Variants in FBXL4 observed in about 807,000 individuals in gnomAD.
FBXL4 encodes F-box/LRR-repeat protein 4.
FBXL4 carries 40 observed loss-of-function variants against 58.9 expected under a neutral mutation model. The observed-to-expected ratio is 0.68, with a 90% CI of 0.53 to 0.88. The LOEUF (loss-of-function observed/expected upper bound fraction) is 0.88. Among genes scored for constraint, FBXL4 ranks in the 40% least tolerant of loss-of-function variants. The pLI, the probability that FBXL4 is intolerant of heterozygous loss-of-function variation, is 0.00. For synonymous variants in FBXL4, 263 were observed against 265.5 expected (o/e 0.99, Z 0.09); for missense variants, 676 against 734.4 (o/e 0.92, Z 0.92).
At chr6:98,923,348 G>A (rs1430539391) in intron 4 of FBXL4, among the ~76,000 whole-genome samples, 2 of 151,768 alleles carry the variant, frequency 1.3e-5, no homozygotes, top group South Asian at 4.1e-4. Flanking sequence ...TATTCTTCTG[G>A]GAAGCTGGAT....
chr6:98,932,949 A>G (rs1773069419), intron 2 of FBXL4, among the ~76,000 whole-genome samples: 1 of 151,980 alleles, frequency 6.6e-6, no homozygotes, highest in South Asian at 2.1e-4. Flanking sequence ...GCTTTGCTAC[A>G]TAGTACCAAA....
chr6:98,941,734 G>C (rs1773439783), intron 1 of FBXL4, among the ~76,000 whole-genome samples: 2 of 152,130 alleles, frequency 1.3e-5, no homozygotes, highest in African/African-American at 4.8e-5. Context: ...CCAGGACCAA[G>C]ATGGTCAACA....
At chr6:98,880,511 G>C (rs1337922788) in intron 8 of FBXL4, 42 bp downstream of exon 8, 1 of 1,530,374 alleles carries the variant, frequency 6.5e-7, no homozygotes, top group Non-Finnish European at 9.1e-7. Context: ...AAGAAAAAGA[G>C]AACAAGTAAT....
chr6:98,910,750 C>T (rs529071052), intron 5 of FBXL4, among the ~76,000 whole-genome samples: 6 of 152,202 alleles, frequency 3.9e-5, no homozygotes, highest in Admixed American at 3.3e-4. Context: ...GCGTGAGCAA[C>T]GCATTAGACG....
chr6:98,924,752 T>C (rs1336887414), intron 4 of FBXL4, among the ~76,000 whole-genome samples: 1 of 152,182 alleles, frequency 6.6e-6, no homozygotes, highest in Admixed American at 6.5e-5. Context: ...CTCTGTATGT[T>C]TTCTGGCAGG....
chr6:98,905,938 G>A (rs1183507847), intron 5 of FBXL4, among the ~76,000 whole-genome samples: 1 of 152,064 alleles, frequency 6.6e-6, no homozygotes, highest in Non-Finnish European at 1.5e-5. Flanking sequence ...GTAATCTATT[G>A]ACTAATACAA....
intron 7 of FBXL4, 29 bp downstream of exon 7, chr6:98,899,239 C>G: frequency 1.2e-6 from 2 of 1,608,360 alleles, no homozygotes; most frequent in Non-Finnish European, 1.7e-6. Context: ...ACCATAATAG[C>G]AATGATGAAA....
At chr6:98,899,222 G>C in intron 7 of FBXL4, 46 bp downstream of exon 7, 1 of 1,595,204 alleles carries the variant, frequency 6.3e-7, no homozygotes, top group Non-Finnish European at 8.5e-7. Context: ...CAAATCTTCA[G>C]TTGGCTACCA....
chr6:98,907,842 G>T (rs892529065), intron 5 of FBXL4, among the ~76,000 whole-genome samples: 4 of 152,014 alleles, frequency 2.6e-5, no homozygotes, highest in African/African-American at 9.7e-5. Flanking sequence ...ACAACAACAT[G>T]ATCTTTAAAA....
intron 2 of FBXL4, among the ~76,000 whole-genome samples, chr6:98,930,601 C>T (rs1007239664): frequency 6.6e-6 from 1 of 151,996 alleles, no homozygotes; most frequent in Non-Finnish European, 1.5e-5. Flanking sequence ...TTTCACCTAC[C>T]ACAAGTATAA....
At chr6:98,936,899 C>G (rs1306624900) in intron 1 of FBXL4, among the ~76,000 whole-genome samples, 1 of 152,126 alleles carries the variant, frequency 6.6e-6, no homozygotes, top group Non-Finnish European at 1.5e-5. Context: ...CAGATTTACC[C>G]ATGATGCTAT....
intron 7 of FBXL4, among the ~76,000 whole-genome samples, chr6:98,892,593 A>C (rs12527281): frequency 2.6e-5 from 4 of 152,236 alleles, no homozygotes; most frequent in Non-Finnish European, 4.4e-5. Context: ...ACACTCTTTC[A>C]AAAGACAGTT....
At chr6:98,931,063 T>C (rs1209308226) in intron 2 of FBXL4, among the ~76,000 whole-genome samples, 1 of 152,244 alleles carries the variant, frequency 6.6e-6, no homozygotes, top group Non-Finnish European at 1.5e-5. Flanking sequence ...GAAAACCATC[T>C]GCCACAGTGG....
intron 5 of FBXL4, among the ~76,000 whole-genome samples, chr6:98,908,728 T>C (rs1324458694): frequency 1.4e-5 from 2 of 145,978 alleles, no homozygotes; most frequent in Non-Finnish European, 3.0e-5. Context: ...TTTGTGTTTC[T>C]TTTTTTTTTT....
At chr6:98,940,097 T>G (rs988816031) in intron 1 of FBXL4, among the ~76,000 whole-genome samples, 5 of 152,202 alleles carry the variant, frequency 3.3e-5, no homozygotes, top group Admixed American at 2.6e-4. Flanking sequence ...TTTGAAAAAG[T>G]TTAATTTTTT....
At chr6:98,877,940 C>T (rs567784769) in intron 8 of FBXL4, among the ~76,000 whole-genome samples, 18 of 152,288 alleles carry the variant, frequency 1.2e-4, no homozygotes, top group African/African-American at 3.8e-4. Flanking sequence ...AACATGTTTA[C>T]GGCATTGACT....
chr6:98,891,177 G>A (rs72627754), intron 7 of FBXL4, among the ~76,000 whole-genome samples: 3,173 of 152,222 alleles, frequency 0.021, 175 homozygotes, highest in East Asian at 0.19. Context: ...CAACATTGTG[G>A]TGGAGAGTTA....
rs34949664 is a variant in FBXL4 at position 98,869,638 on chromosome 6, AAC to A, written c.*4638_*4639del. On this transcript the variant is annotated 3_prime_UTR_variant, in exon 10 of 10. Coordinates refer to ENST00000369244, the MANE Select transcript of FBXL4 (RefSeq NM_001278716.2). ...GAGTGAGACCCTGTCTCAAATATGT[AAC>A]ACACACATACATACATAAATATATA... 24,175 of 152,112 alleles carry A rather than the reference AAC, an allele frequency of 0.16. 2,299 individuals are homozygous for A. The highest frequency in any genetic ancestry group is 0.47 in the East Asian group (2,414 of 5,140). 9.4% of individuals were successfully genotyped at this position (152,112 alleles called of 1,614,324 possible). A position where few individuals can be genotyped will look rare whatever the true frequency, so the allele number is the denominator to read the frequency against.
At chr6:98,932,542 C>A (rs938599731) in intron 2 of FBXL4, among the ~76,000 whole-genome samples, 1 of 152,204 alleles carries the variant, frequency 6.6e-6, no homozygotes, top group Admixed American at 6.5e-5. Context: ...ATGTTTCCTA[C>A]TGAGATTTGA....
Sources: allele counts gnomAD v4.1 joint callset (sites outside exome capture counted in the v4.1 genomes callset), GRCh38; gene constraint gnomAD v4.1.1; transcripts MANE v1.5; gene names NCBI Gene and HGNC (gene_info 2026-07-23, HGNC 2026-07-21).